Variants in EYS observed in about 807,000 individuals in gnomAD.
EYS encodes the protein EGF-like photoreceptor maintenance factor.
A neutral mutation model predicts 282.1 loss-of-function variants in EYS; 250 were observed. The ratio of observed to expected loss-of-function variants is 0.89; its 90% CI spans 0.80 to 0.98. EYS has a LOEUF of 0.98. EYS is among the 50% of genes least tolerant of loss of function. The probability of loss-of-function intolerance (pLI) is 0.00; values close to 1 mark genes in which losing one functional copy is unlikely to be tolerated. For synonymous variants in EYS, 1,355 were observed against 1,282.9 expected (o/e 1.06, Z -1.20); for missense variants, 4,016 against 3,709.0 (o/e 1.08, Z -2.15).
chr6:63,840,235 A>ATTATTGTTG (rs112733240), intron 36 of EYS, among the ~76,000 whole-genome samples: 1 of 145,968 alleles, frequency 6.9e-6, no homozygotes, highest in East Asian at 2.0e-4. Flanking sequence ...TATTATTATT[A>ATTATTGTTG]TTGTATTTTT....
intron 41 of EYS, among the ~76,000 whole-genome samples, chr6:63,731,618 A>G (rs903110639): frequency 4.6e-5 from 7 of 152,108 alleles, no homozygotes; most frequent in Non-Finnish European, 8.8e-5. Flanking sequence ...CAGAGATTCT[A>G]GTTTTGCATT....
chr6:64,031,473 G>T (rs148103481), intron 33 of EYS, among the ~76,000 whole-genome samples: 1 of 152,316 alleles, frequency 6.6e-6, no homozygotes, highest in Non-Finnish European at 1.5e-5. Flanking sequence ...TTCATGGCAC[G>T]CAGTCCCATC....
At chr6:64,925,116 C>T (rs1446712529) in intron 15 of EYS, among the ~76,000 whole-genome samples, 2 of 152,080 alleles carry the variant, frequency 1.3e-5, no homozygotes, top group African/African-American at 4.8e-5. Flanking sequence ...CATGGCTGGG[C>T]AGGCCTAAGA....
chr6:65,531,224 C>T (rs997546345), intron 2 of EYS, among the ~76,000 whole-genome samples: 7 of 151,954 alleles, frequency 4.6e-5, no homozygotes, highest in East Asian at 1.9e-4. Flanking sequence ...AATGTTCTCC[C>T]GGCAAGAGGG....
At chr6:65,485,193 C>A (rs1481264644) in intron 5 of EYS, among the ~76,000 whole-genome samples, 3 of 152,136 alleles carry the variant, frequency 2.0e-5, no homozygotes, top group Non-Finnish European at 4.4e-5. Context: ...TATTAATGAT[C>A]CACTGTAGGA....
intron 12 of EYS, among the ~76,000 whole-genome samples, chr6:65,225,385 T>C (rs541857420): frequency 2.1e-4 from 32 of 151,676 alleles, no homozygotes; most frequent in African/African-American, 7.2e-4. Context: ...CCAAGGGGGA[T>C]GTATCCCAGA....
chr6:64,169,431 G>GTTTTTTTTTTTTTTTTTT lies in EYS; in HGVS notation c.6424+61160_6424+61161insAAAAAAAAAAAAAAAAAA, dbSNP rs35657029. Reference sequence around the variant, plus strand: ...ACATACTCAAACAATTTGAGGAGGAGTTTTTTTTTTTTTTTTACAAAAAGG... The same window carrying GTTTTTTTTTTTTTTTTTT: ...ACATACTCAAACAATTTGAGGAGGAGTTTTTTTTTTTTTTTTTTTTTTTTTTTTTTTTTTACAAAAAGG... On this transcript the variant is annotated intron_variant, in intron 31 of 42. Transcript: ENST00000503581. Among the ~76,000 whole-genome samples the GTTTTTTTTTTTTTTTTTT allele has an allele frequency of 8.5e-4, 120 of 140,946 alleles. 2 individuals are homozygous for GTTTTTTTTTTTTTTTTTT. The highest frequency in any genetic ancestry group is 3.0e-3 in the African/African-American group (110 of 36,388). The allele number at this position is 140,946 out of a possible 152,430, so 92.5% of individuals were successfully genotyped here.
At chr6:63,821,497 A>C (rs1488227510) in intron 36 of EYS, 1 of 152,196 alleles carries the variant, frequency 6.6e-6, no homozygotes, top group African/African-American at 2.4e-5. Context: ...AGGAAAGGGG[A>C]CGTAGTGTAC....
At chr6:65,490,819 G>T in intron 4 of EYS, 112 bp from the exon 5 acceptor site, 1 of 693,116 alleles carries the variant, frequency 1.4e-6, no homozygotes, top group Admixed American at 2.2e-5. Context: ...TGTAATTTCA[G>T]TTATGAAACC....
At chr6:64,571,330 G>C (rs115943638) in intron 26 of EYS, among the ~76,000 whole-genome samples, 1 of 152,098 alleles carries the variant, frequency 6.6e-6, no homozygotes, top group African/African-American at 2.4e-5. Flanking sequence ...AAGCAGAAAA[G>C]ATCTAAAATC....
chr6:64,854,598 G>T (rs1489544341), intron 19 of EYS, among the ~76,000 whole-genome samples: 3 of 132,678 alleles, frequency 2.3e-5, no homozygotes, highest in African/African-American at 5.6e-5. Flanking sequence ...GTTGTGGGGT[G>T]GGGGGAGGGG....
At chr6:64,029,167 C>G (rs998878206) in intron 33 of EYS, among the ~76,000 whole-genome samples, 1 of 152,154 alleles carries the variant, frequency 6.6e-6, no homozygotes, top group Admixed American at 6.5e-5. Context: ...GTACAAGCTC[C>G]AGGTTTAAGC....
intron 12 of EYS, among the ~76,000 whole-genome samples, chr6:65,071,251 T>C (rs1273927169): frequency 1.3e-5 from 2 of 151,814 alleles, no homozygotes; most frequent in South Asian, 4.1e-4. Flanking sequence ...ATACAAATAA[T>C]TTAAATCCAC....
At chr6:65,686,118 T>G (rs934470910) in intron 1 of EYS, among the ~76,000 whole-genome samples, 4 of 152,076 alleles carry the variant, frequency 2.6e-5, no homozygotes, top group Admixed American at 6.6e-5. Flanking sequence ...GATAGCCAGA[T>G]GCAGGTATAA....
intron 26 of EYS, among the ~76,000 whole-genome samples, chr6:64,589,231 CATATTGA>C (rs1303437006): frequency 6.6e-6 from 1 of 151,918 alleles, no homozygotes; most frequent in Admixed American, 6.6e-5. Flanking sequence ...AAAATTATAT[CATATTGA>C]ATATATGATA....
At chr6:65,602,675 G>C (rs993973619) in intron 2 of EYS, among the ~76,000 whole-genome samples, 10 of 151,896 alleles carry the variant, frequency 6.6e-5, no homozygotes, top group African/African-American at 2.4e-4. Context: ...TGTGACATTT[G>C]CAGTTTGTGG....
At chr6:64,438,269 G>A (rs1283887056) in intron 27 of EYS, among the ~76,000 whole-genome samples, 2 of 151,722 alleles carry the variant, frequency 1.3e-5, no homozygotes, top group Admixed American at 1.3e-4. Flanking sequence ...ACCCCAAGGA[G>A]TTTTTGTTAA....
At chr6:64,633,375 T>C (rs560561891) in intron 22 of EYS, among the ~76,000 whole-genome samples, 1 of 152,302 alleles carries the variant, frequency 6.6e-6, no homozygotes, top group Middle Eastern at 3.4e-3. Context: ...AACATTGCTT[T>C]ATATATTGAT....
chr6:64,395,406 G>A (rs1035551162), intron 28 of EYS, among the ~76,000 whole-genome samples: 1 of 152,122 alleles, frequency 6.6e-6, no homozygotes, highest in African/African-American at 2.4e-5. Context: ...TGATAGACTG[G>A]ATTAAGAAAA....
Sources: allele counts gnomAD v4.1 joint callset (sites outside exome capture counted in the v4.1 genomes callset), GRCh38; gene constraint gnomAD v4.1.1; transcripts MANE v1.5; gene names NCBI Gene and HGNC (gene_info 2026-07-23, HGNC 2026-07-21).